The following PRKAR1A variants were observed in gnomAD, a reference collection of about 807,000 sequenced individuals.
PRKAR1A encodes the protein protein kinase cAMP-dependent type I regulatory subunit alpha.
A neutral mutation model predicts 52.0 loss-of-function variants in PRKAR1A; 3 were observed. The observed-to-expected ratio is 0.06, with a 90% CI of 0.03 to 0.15. The LOEUF (loss-of-function observed/expected upper bound fraction) is 0.15. Ranked by LOEUF, PRKAR1A falls within the 10% of genes least tolerant of loss-of-function variation. The pLI is 1.00. For missense variants in PRKAR1A, 240 were observed against 477.4 expected (o/e 0.50, Z 4.63); for synonymous variants, 188 against 168.4 (o/e 1.12, Z -0.90).
chr17:68,477,714 A>G, the PRKAR1A span, among the ~76,000 whole-genome samples: 1 of 142,922 alleles, frequency 7.0e-6, no homozygotes, highest in African/African-American at 2.6e-5. Context: ...TTTTTGGTAT[A>G]TCTTCCATTT....
At chr17:68,542,827 CTG>C (rs763478981) in intron 11 of PRKAR1A, 1 of 1,576,812 alleles carries the variant, frequency 6.3e-7, no homozygotes, top group South Asian at 1.1e-5. Flanking sequence ...AGAGGAAGCT[CTG>C]TTCCATCTGA....
In PRKAR1A at chr17:68,525,864, T is replaced by A; in HGVS notation, c.660T>A (p.Asn220Lys). The change falls in exon 7 of 11, where the codon AAT becomes AAA. Residue 220 changes from asparagine to lysine, a missense_variant. Coordinates refer to ENST00000589228, the MANE Select transcript of PRKAR1A (RefSeq NM_002734.5). ...CAGCCACTGTCAAAGCAAAGACAAA[T>A]GTGAAATTGTGGGGCATCGACCGAG... ...PRAATVKAKT[N>K]VKLWGIDRDS... is the part of the protein sequence containing the mutation. The A allele has an allele frequency of 6.2e-7, 1 of 1,613,656 alleles. No homozygotes were observed. Among genetic ancestry groups the A allele is most frequent in the Non-Finnish European group, 8.5e-7 (1 of 1,179,846 alleles).
At position 68,530,545 on chromosome 17, in the gene PRKAR1A, A is replaced by C. The variant is rs1064757; in HGVS notation, c.*96A>C. On this transcript the variant is annotated 3_prime_UTR_variant, in exon 11 of 11. Transcript: ENST00000589228. The stretch of plus-strand genomic sequence containing the variant: ...TCCCTACTTGCAGCGCCAAGTGGCC[A>C]CTGGCATCGCAGCTTCCTGTCTGTT... 1.9e-6 allele frequency: 3 copies of C among 1,607,732 alleles called. No homozygotes were observed. Among genetic ancestry groups the C allele is most frequent in the South Asian group, 2.2e-5 (2 of 90,218 alleles).
chr17:68,526,282 A>G (rs774041900), intron 7 of PRKAR1A, among the ~76,000 whole-genome samples: 3 of 152,236 alleles, frequency 2.0e-5, no homozygotes, highest in Non-Finnish European at 4.4e-5. Flanking sequence ...ATTTGGGGCC[A>G]TTCAGAAATA....
the PRKAR1A span, among the ~76,000 whole-genome samples, chr17:68,470,029 AC>A: frequency 2.7e-5 from 4 of 149,980 alleles, no homozygotes; most frequent in Non-Finnish European, 5.9e-5. Flanking sequence ...CCTTTGAAAA[AC>A]CCCTCTGTGC....
intron 11 of PRKAR1A, chr17:68,541,934 G>T: frequency 1.3e-6 from 2 of 1,577,418 alleles, no homozygotes. Context: ...CTGGTACAGG[G>T]TCTGTGGCTA....
At chr17:68,422,856 TC>T in the PRKAR1A span, 1 of 152,128 alleles carries the variant, frequency 6.6e-6, no homozygotes, top group Non-Finnish European at 1.5e-5. Context: ...GTTGGCTTGT[TC>T]CTGAAACAAA....
intron 7 of PRKAR1A, among the ~76,000 whole-genome samples, chr17:68,526,996 A>G (rs545283785): frequency 6.6e-6 from 1 of 152,356 alleles, no homozygotes; most frequent in East Asian, 1.9e-4. Context: ...GTGACAGTCT[A>G]CTGGAGAAGA....
At chr17:68,419,940 C>A in the PRKAR1A span, among the ~76,000 whole-genome samples, 2 of 152,018 alleles carry the variant, frequency 1.3e-5, no homozygotes, top group East Asian at 3.9e-4. Context: ...GCCTGGGCAA[C>A]GAAGCCAGAC....
At chr17:68,465,078 A>G in the PRKAR1A span, among the ~76,000 whole-genome samples, 1 of 105,534 alleles carries the variant, frequency 9.5e-6, no homozygotes, top group Admixed American at 9.0e-5. Context: ...GGCGCCCGCC[A>G]CCACGCCCGG....
At chr17:68,446,955 G>A in the PRKAR1A span, among the ~76,000 whole-genome samples, 25 of 152,326 alleles carry the variant, frequency 1.6e-4, no homozygotes, top group African/African-American at 3.6e-4. Context: ...CTCTTAGTTC[G>A]TGTGAGAGCA....
At chr17:68,424,825 C>T in the PRKAR1A span, among the ~76,000 whole-genome samples, 1 of 151,828 alleles carries the variant, frequency 6.6e-6, no homozygotes, top group Admixed American at 6.6e-5. Context: ...TGCAGCGAGC[C>T]GAGATCACAC....
At chr17:68,549,901 G>A (rs7213206) in intron 11 of PRKAR1A, among the ~76,000 whole-genome samples, 24,633 of 152,112 alleles carry the variant, frequency 0.16, 2,024 homozygotes, top group South Asian at 0.18. Flanking sequence ...TACCCTATAT[G>A]TCTGAATACA....
chr17:68,427,209 A>T, the PRKAR1A span: 2 of 1,614,212 alleles, frequency 1.2e-6, no homozygotes, highest in Non-Finnish European at 1.7e-6. Context: ...GGAAGGTCTG[A>T]GGTCATTTTC....
chr17:68,424,737 C>G, the PRKAR1A span, among the ~76,000 whole-genome samples: 6 of 152,090 alleles, frequency 3.9e-5, no homozygotes, highest in Admixed American at 2.0e-4. Flanking sequence ...ATTAGTTGGG[C>G]ATGGTGGCGC....
the PRKAR1A span, chr17:68,430,189 G>T: frequency 3.8e-6 from 6 of 1,593,550 alleles, no homozygotes; most frequent in Admixed American, 3.5e-5. Context: ...GCAACGATGG[G>T]ACTGGGCTGC....
intron 2 of PRKAR1A, among the ~76,000 whole-genome samples, chr17:68,520,701 G>A (rs1439545796): frequency 6.6e-6 from 1 of 152,146 alleles, no homozygotes; most frequent in Non-Finnish European, 1.5e-5. Flanking sequence ...GTCAGATTAG[G>A]TTATATTCAG....
the PRKAR1A span, chr17:68,421,603 TG>T: frequency 1.2e-6 from 1 of 842,732 alleles, no homozygotes; most frequent in Non-Finnish European, 1.9e-6. Context: ...ACCAGGGTCG[TG>T]GGAAGCTTGG....
chr17:68,528,530 T>C (rs1408140298), intron 8 of PRKAR1A: 2 of 258,088 alleles, frequency 7.7e-6, no homozygotes, highest in African/African-American at 2.2e-5. Context: ...GGGGAAACTA[T>C]GACTTTTGAG....
Sources: allele counts gnomAD v4.1 joint callset (sites outside exome capture counted in the v4.1 genomes callset), GRCh38; gene constraint gnomAD v4.1.1; transcripts MANE v1.5; gene names NCBI Gene and HGNC (gene_info 2026-07-23, HGNC 2026-07-21).